Variants in TEP1 observed in about 807,000 individuals in gnomAD.
TEP1 encodes telomerase associated protein 1.
TEP1 carries 241 observed loss-of-function variants against 306.3 expected under a neutral mutation model. The observed-to-expected ratio is 0.79, with a 90% CI of 0.71 to 0.88. TEP1 has a LOEUF of 0.88. Ranked by LOEUF, TEP1 falls within the 40% of genes least tolerant of loss-of-function variation. The probability of loss-of-function intolerance (pLI) is 0.00; values close to 1 mark genes in which losing one functional copy is unlikely to be tolerated. For synonymous variants in TEP1, 1,289 were observed against 1,305.5 expected (o/e 0.99, Z 0.27); for missense variants, 3,051 against 3,276.1 (o/e 0.93, Z 1.68).
intron 43 of TEP1, 52 bp downstream of exon 43, chr14:20,375,703 C>G: frequency 1.6e-6 from 2 of 1,239,288 alleles, no homozygotes; most frequent in Non-Finnish European, 2.4e-6. Context: ...GGAGTGTTGT[C>G]TTGCCCCAGG....
At chr14:20,376,833 T>C (rs1350830684) in intron 41 of TEP1, among the ~76,000 whole-genome samples, 1 of 152,198 alleles carries the variant, frequency 6.6e-6, no homozygotes, top group African/African-American at 2.4e-5. Flanking sequence ...CAAAAGCACT[T>C]TGAAAGTTGT....
rs749856919 is a variant in TEP1 at position 20,391,050 on chromosome 14, C to G, written c.2144G>C (p.Arg715Thr). The change falls in exon 14 of 55, where the codon AGG becomes ACG. Residue 715 changes from arginine to threonine, a missense_variant. Transcript: ENST00000262715. ...ALLLIGMMIT[R>T]AEQVDVVLCG... ...CAGCACGACGTCCACCTGCTCCGCC[C>G]TCGTGATCATCATCCCAATCAACAG... 6.2e-7 allele frequency: 1 copy of G among 1,614,162 alleles called. No homozygotes were observed. Among genetic ancestry groups the G allele is most frequent in the South Asian group, 1.1e-5 (1 of 91,078 alleles).
chr14:20,382,269 C>T lies in TEP1; in HGVS notation c.4228G>A (p.Asp1410Asn). The T allele has an allele frequency of 6.2e-7, 1 of 1,614,142 alleles. No individual in the cohort carries two copies. Among genetic ancestry groups the T allele is most frequent in the East Asian group, 2.2e-5 (1 of 44,870 alleles). The change falls in exon 29 of 55, where the codon GAT (aspartate) becomes AAT (asparagine). Residue 1410 changes from aspartate (D) to asparagine (N), a missense_variant. This residue lies in a region of TEP1 where 1,540 missense variants were observed against 1,705.9 expected (regional missense o/e 0.90). Coordinates refer to ENST00000262715, the MANE Select transcript of TEP1 (RefSeq NM_007110.5). ...LSTLEKEHGP[D>N]VLPQALTALE... is the part of the protein sequence containing the mutation. The stretch of plus-strand genomic sequence containing the variant: ...GCAGTCAAGGCCTGGGGAAGGACAT[C>T]AGGCCCGTGCTCCTTCTCCAGTGTG...
At chr14:20,389,405 G>T (rs1877506902) in intron 16 of TEP1, 108 bp from the exon 17 acceptor site, 2 of 1,460,294 alleles carry the variant, frequency 1.4e-6, no homozygotes, top group Non-Finnish European at 1.9e-6. Flanking sequence ...CTTTAATAGG[G>T]TTATGTGGTA....
chr14:20,403,111 C>T (rs1170101041), intron 7 of TEP1, among the ~76,000 whole-genome samples: 1 of 146,258 alleles, frequency 6.8e-6, no homozygotes, highest in East Asian at 2.0e-4. Context: ...GAGCCAAGAC[C>T]GTGCCACTGC....
Position 20,366,934 on chromosome 14 carries a change from A to C in TEP1, c.*1503T>G, listed in dbSNP as rs1884500702. 6.6e-6 allele frequency: 1 copy of C among 152,260 alleles called. No individual in the cohort carries two copies. The highest frequency in any genetic ancestry group is 1.5e-5 in the Non-Finnish European group (1 of 68,064). 9.4% of individuals were successfully genotyped at this position (152,260 alleles called of 1,614,324 possible). A position where few individuals can be genotyped will look rare whatever the true frequency, so the allele number is the denominator to read the frequency against. On this transcript the variant is annotated 3_prime_UTR_variant, in exon 55 of 55. Transcript: ENST00000262715. ...TGGGCCAAGGGCAGGAGGAAGCTCT[A>C]GTTGTCTGTCTCCCATGCTCTGAAA...
chr14:20,391,099 G>A lies in TEP1; in HGVS notation c.2098-3C>T, dbSNP rs1212330479. ...AGCAGTGCATAGTTCAGCGGGGGCTGATTGGACAAGTGTCAGGGGAAATAA... is the reference window on the plus strand; with the variant it reads ...AGCAGTGCATAGTTCAGCGGGGGCTAATTGGACAAGTGTCAGGGGAAATAA... On this transcript the variant is annotated splice_region_variant and splice_polypyrimidine_tract_variant and intron_variant, in intron 13 of 54. Coordinates refer to ENST00000262715, the MANE Select transcript of TEP1 (RefSeq NM_007110.5). 3 of 1,613,804 alleles carry A rather than the reference G, an allele frequency of 1.9e-6. No individual in the cohort carries two copies. Among genetic ancestry groups the A allele is most frequent in the Admixed American group, 3.3e-5 (2 of 60,008 alleles).
At chr14:20,396,207 G>A (rs749176737) in intron 10 of TEP1, among the ~76,000 whole-genome samples, 6 of 152,204 alleles carry the variant, frequency 3.9e-5, no homozygotes, top group South Asian at 2.1e-4. Context: ...GGTAGCTCAC[G>A]CCTGTAATCC....
intron 9 of TEP1, among the ~76,000 whole-genome samples, chr14:20,398,757 G>A (rs190419608): frequency 2.7e-4 from 41 of 152,248 alleles, no homozygotes; most frequent in Admixed American, 2.2e-3. Flanking sequence ...CGGTCAGTCC[G>A]TCACCATGCC....
Position 20,371,212 on chromosome 14 carries a change from A to G in TEP1, c.7317+6T>C. On this transcript the variant is annotated splice_donor_region_variant and intron_variant, in intron 51 of 54. Transcript: ENST00000262715. ...TTGCTTTAGCACACACTCAAATAGGACTTACCAAGAAAGAAAGAACTCCAG... is the reference window on the plus strand; with the variant it reads ...TTGCTTTAGCACACACTCAAATAGGGCTTACCAAGAAAGAAAGAACTCCAG... 1 of 1,611,896 alleles carries G rather than the reference A, an allele frequency of 6.2e-7. No homozygotes were observed.
chr14:20,403,684 G>A, intron 6 of TEP1, 39 bp downstream of exon 6: 1 of 1,612,138 alleles, frequency 6.2e-7, no homozygotes, highest in Non-Finnish European at 8.5e-7. Context: ...CCTTCCTGGA[G>A]AAAAGGGGCG....
intron 43 of TEP1, among the ~76,000 whole-genome samples, 194 bp downstream of exon 43, chr14:20,375,561 C>G (rs1323496108): frequency 2.0e-5 from 3 of 152,140 alleles, no homozygotes; most frequent in Non-Finnish European, 4.4e-5. Context: ...GGAGTATCTA[C>G]TTTACAGGGT....
In TEP1 at chr14:20,377,314, C is replaced by G; in HGVS notation, c.6054G>C (p.Leu2018=). ...AAGCCAAGAGCTCCTGGGAAGTGGCCAGTCCTAGCACAGGCTTCTGGAATC... is the reference window on the plus strand; with the variant it reads ...AAGCCAAGAGCTCCTGGGAAGTGGCGAGTCCTAGCACAGGCTTCTGGAATC... ...LSRFQKPVLG[L]ATSQELLASA... is the part of the protein sequence containing the mutation. Residue 2018 remains leucine, a synonymous_variant, in exon 41 of 55, where the codon CTG becomes CTC. Coordinates refer to ENST00000262715, the MANE Select transcript of TEP1 (RefSeq NM_007110.5). The G allele has an allele frequency of 6.2e-7, 1 of 1,613,874 alleles. No homozygotes were observed. The highest frequency in any genetic ancestry group is 8.5e-7 in the Non-Finnish European group (1 of 1,179,822).
intron 41 of TEP1, among the ~76,000 whole-genome samples, chr14:20,376,776 G>A (rs4982017): frequency 0.046 from 7,027 of 152,330 alleles, 229 homozygotes; most frequent in South Asian, 0.094. Flanking sequence ...TGAAGGTGAA[G>A]GAATGAGTGG....
In TEP1 at chr14:20,389,311, A is replaced by C. The variant is rs771619009; in HGVS notation, c.2466-14T>G. On this transcript the variant is annotated splice_polypyrimidine_tract_variant and intron_variant, in intron 16 of 54. Transcript: ENST00000262715. ...AAATCTGTTGACCTGGCAAAGGAAG[A>C]AGCAGTCATTAACCATCACAAACAA... 8.1e-6 allele frequency: 13 copies of C among 1,614,104 alleles called. No homozygotes were observed. The highest frequency in any genetic ancestry group is 6.6e-5 in the South Asian group (6 of 91,086).
chr14:20,382,031 T>C lies in TEP1; in HGVS notation c.4306A>G (p.Ser1436Gly). 3 of 1,614,150 alleles carry C rather than the reference T, an allele frequency of 1.9e-6. No individual in the cohort carries two copies. The highest frequency in any genetic ancestry group is 2.5e-6 in the Non-Finnish European group (3 of 1,180,012). Residue 1436 changes from serine to glycine, a missense_variant, in exon 30 of 55, where the codon AGT (serine) becomes GGT (glycine). Physicochemically the swap from Ser to Gly is moderately conservative, Grantham distance 56 (BLOSUM62 0). Around this residue, in one of 3 missense-constraint regions of TEP1, gnomAD observed 1,540 missense variants for 1,705.9 expected, o/e 0.90. Coordinates refer to ENST00000262715, the MANE Select transcript of TEP1 (RefSeq NM_007110.5). ...LTVDQLHGVL[S>G]VWRTLPKGTK... ...CCCTTCGGTAGTGTCCGCCACACAC[T>C]CAGCACTCCGTGCAGCTGGTCCACA...
intron 27 of TEP1, among the ~76,000 whole-genome samples, chr14:20,382,950 TC>T (rs1382462350): frequency 1.6e-4 from 25 of 152,118 alleles, no homozygotes; most frequent in African/African-American, 6.0e-4. Flanking sequence ...ACTTGACTCA[TC>T]CCCTCACCCC....
At chr14:20,391,124 A>C (rs1877683161) in intron 13 of TEP1, 28 bp from the exon 14 acceptor site, 14 of 1,609,270 alleles carry the variant, frequency 8.7e-6, no homozygotes, top group Admixed American at 1.7e-5. Context: ...AGGGGAAATA[A>C]AGCTCCCCTG....
chr14:20,412,824 A>G (rs1879780791), intron 1 of TEP1, among the ~76,000 whole-genome samples: 1 of 151,194 alleles, frequency 6.6e-6, no homozygotes, highest in South Asian at 2.1e-4. Context: ...ATGCCCGGCT[A>G]ATTTTTTTGT....
Sources: allele counts gnomAD v4.1 joint callset (sites outside exome capture counted in the v4.1 genomes callset), GRCh38; gene constraint gnomAD v4.1.1; regional missense constraint gnomAD v4.1.1; transcripts MANE v1.5; gene names NCBI Gene and HGNC (gene_info 2026-07-23, HGNC 2026-07-21).